Variants in ADCY10 observed in about 807,000 individuals in gnomAD.
ADCY10 encodes adenylate cyclase type 10.
ADCY10 carries 156 observed loss-of-function variants against 183.3 expected under a neutral mutation model. That is an observed-to-expected ratio of 0.85 (90% confidence interval 0.75 to 0.97). ADCY10 has a LOEUF of 0.97. ADCY10 is among the 50% of genes least tolerant of loss of function. ADCY10 has a pLI of 0.00. For synonymous variants in ADCY10, 645 were observed against 670.0 expected (o/e 0.96, Z 0.58); for missense variants, 1,745 against 1,934.3 (o/e 0.90, Z 1.84).
At chr1:167,893,810 T>C (rs775522927) in intron 8 of ADCY10, 43 bp downstream of exon 8, 1 of 1,354,406 alleles carries the variant, frequency 7.4e-7, no homozygotes, top group South Asian at 1.2e-5. Context: ...GCTGTCCAGA[T>C]CCCTGACATC....
chr1:167,823,424 CAAA>C (rs34394385), intron 28 of ADCY10, among the ~76,000 whole-genome samples: 1 of 42,818 alleles, frequency 2.3e-5, no homozygotes. Context: ...AACTCCATCT[CAAA>C]AAAAAAAAAA....
chr1:167,839,285 G>A (rs1258372088), intron 21 of ADCY10, among the ~76,000 whole-genome samples: 1 of 152,170 alleles, frequency 6.6e-6, no homozygotes, highest in East Asian at 1.9e-4. Flanking sequence ...TCTGATCAAT[G>A]GGATGTAAGA....
At chr1:167,824,041 C>G (rs930256644) in intron 28 of ADCY10, among the ~76,000 whole-genome samples, 1 of 152,234 alleles carries the variant, frequency 6.6e-6, no homozygotes, top group Non-Finnish European at 1.5e-5. Flanking sequence ...AAAGACAAGG[C>G]CTGGCGCAGT....
At chr1:167,810,621 T>C (rs1571194069) in intron 32 of ADCY10, 104 bp downstream of exon 32, 3 of 1,072,600 alleles carry the variant, frequency 2.8e-6, no homozygotes, top group Admixed American at 3.9e-5. Flanking sequence ...GTCTAAGATA[T>C]TTTGTTAATG....
chr1:167,850,790 G>C (rs1665424833), intron 18 of ADCY10, among the ~76,000 whole-genome samples: 11 of 151,730 alleles, frequency 7.2e-5, no homozygotes, highest in Admixed American at 7.2e-4. Flanking sequence ...ACCTAGCATT[G>C]AGACAACCAT....
intron 19 of ADCY10, 73 bp downstream of exon 19, chr1:167,848,288 A>G (rs1438783832): frequency 7.8e-7 from 1 of 1,287,760 alleles, no homozygotes; most frequent in African/African-American, 1.5e-5. Flanking sequence ...TGACCTTGTG[A>G]TCCGCCCGCC....
chr1:167,883,071 G>C (rs983253216), intron 9 of ADCY10, among the ~76,000 whole-genome samples: 1 of 152,200 alleles, frequency 6.6e-6, no homozygotes, highest in Non-Finnish European at 1.5e-5. Context: ...GGAGTCTCAC[G>C]CTATAGCCCA....
chr1:167,864,046 G>A (rs987153201), intron 14 of ADCY10, among the ~76,000 whole-genome samples: 2 of 152,182 alleles, frequency 1.3e-5, no homozygotes, highest in African/African-American at 2.4e-5. Flanking sequence ...TGCCTGTTCC[G>A]GCACTTTGGT....
chr1:167,899,704 C>T, intron 5 of ADCY10, 76 bp from the exon 6 acceptor site: 2 of 1,428,880 alleles, frequency 1.4e-6, no homozygotes, highest in African/African-American at 2.8e-5. Flanking sequence ...TTTGGAAAAA[C>T]CATAATCTTG....
chr1:167,848,634 T>TTTTTGTTTTG lies in ADCY10; in HGVS notation c.2309-155_2309-146dup, dbSNP rs547011694. The TTTTTGTTTTG allele has an allele frequency of 1.2e-5, 12 of 965,404 alleles. No homozygotes were observed. In the East Asian group the frequency reaches 2.5e-4, roughly 20 times the overall value. The allele number at this position is 965,404 out of a possible 1,614,324, so 59.8% of individuals were successfully genotyped here. ...CTCACCAAATATTCTGGAAACCTTTTTTTTGTTTTGTTTTGTTTTGTTTTT... is the reference window on the plus strand; with the variant it reads ...CTCACCAAATATTCTGGAAACCTTTTTTTTGTTTTGTTTTGTTTTGTTTTGTTTTGTTTTT... On this transcript the variant is annotated intron_variant, in intron 18 of 32. Coordinates refer to ENST00000367851, the MANE Select transcript of ADCY10 (RefSeq NM_018417.6).
At chr1:167,863,193 C>T (rs1009617212) in intron 14 of ADCY10, among the ~76,000 whole-genome samples, 6 of 152,204 alleles carry the variant, frequency 3.9e-5, no homozygotes, top group Admixed American at 3.9e-4. Context: ...AGACCCGAAA[C>T]CAGGCCTGGG....
chr1:167,879,670 C>A (rs554447504), intron 11 of ADCY10, among the ~76,000 whole-genome samples: 3 of 152,152 alleles, frequency 2.0e-5, no homozygotes, highest in African/African-American at 4.8e-5. Context: ...AAATCTTAAA[C>A]CCTGATAGGA....
chr1:167,854,726 A>G (rs1665761433), intron 17 of ADCY10, among the ~76,000 whole-genome samples: 1 of 152,192 alleles, frequency 6.6e-6, no homozygotes, highest in Non-Finnish European at 1.5e-5. Flanking sequence ...GGATAAGCCA[A>G]AAACTAATCA....
intron 26 of ADCY10, 128 bp from the exon 27 acceptor site, chr1:167,824,983 C>T (rs1663175873): frequency 2.1e-6 from 2 of 936,056 alleles, no homozygotes; most frequent in Non-Finnish European, 3.4e-6. Flanking sequence ...TTGGCCGAAG[C>T]CATGGGCTTA....
intron 1 of ADCY10, among the ~76,000 whole-genome samples, chr1:167,912,610 G>A (rs182198145): frequency 6.6e-6 from 1 of 152,206 alleles, no homozygotes; most frequent in East Asian, 1.9e-4. Context: ...CCCCACTGGG[G>A]GTTCCCTCTC....
At chr1:167,865,645 C>T (rs1315225617) in intron 14 of ADCY10, among the ~76,000 whole-genome samples, 1 of 152,006 alleles carries the variant, frequency 6.6e-6, no homozygotes, top group African/African-American at 2.4e-5. Context: ...AAAATAGGTC[C>T]TAAAGGAAAC....
chr1:167,877,901 T>G (rs1355002222), intron 12 of ADCY10, among the ~76,000 whole-genome samples: 1 of 152,004 alleles, frequency 6.6e-6, no homozygotes, highest in Non-Finnish European at 1.5e-5. Context: ...GGAGATGAGG[T>G]TGGAAAGGCA....
chr1:167,892,632 A>T (rs1571424328), intron 8 of ADCY10, among the ~76,000 whole-genome samples: 1 of 152,292 alleles, frequency 6.6e-6, no homozygotes, highest in Non-Finnish European at 1.5e-5. Context: ...TTCAAAAGCC[A>T]TGAAGAGTCA....
chr1:167,904,251 C>A (rs934291073), intron 2 of ADCY10, among the ~76,000 whole-genome samples: 1 of 152,004 alleles, frequency 6.6e-6, no homozygotes, highest in African/African-American at 2.4e-5. Flanking sequence ...CCATGCCAGG[C>A]TCGTTTTTGT....
Sources: gnomAD v4.1 joint callset for allele counts (sites outside exome capture counted in the v4.1 genomes callset) on GRCh38, gnomAD v4.1.1 for gene constraint, MANE v1.5 for transcripts, NCBI Gene and HGNC (gene_info 2026-07-23, HGNC 2026-07-21) for gene names.